Variants in XYLT1 observed in about 807,000 individuals in gnomAD.
The protein encoded by XYLT1 is xylosyltransferase 1, also known as beta-D-xylosyltransferase 1.
XYLT1 carries 36 observed loss-of-function variants against 91.3 expected under a neutral mutation model. The ratio of observed to expected loss-of-function variants is 0.39; its 90% confidence interval spans 0.30 to 0.52. The LOEUF is 0.52. XYLT1 is among the 20% of genes least tolerant of loss of function. The pLI, the probability that XYLT1 is intolerant of heterozygous loss-of-function variation, is 0.68. For synonymous variants in XYLT1, 588 were observed against 532.0 expected (o/e 1.11, Z -1.45); for missense variants, 1,242 against 1,284.5 (o/e 0.97, Z 0.51).
Position 17,160,997 on chromosome 16 carries a change from A to T in XYLT1, c.1290-2088T>A, listed in dbSNP as rs922743222. ...GAATACGAGACAAGTTAACCTCTGA[A>T]TGGGTCCCCGGCAGTTGGAATAATA... On this transcript the variant is annotated intron_variant, in intron 5 of 11. Transcript: ENST00000261381. Among the ~76,000 whole-genome samples, 8 of 152,198 alleles carry T rather than the reference A, an allele frequency of 5.3e-5. 2 individuals carry two copies. The East Asian group carries it at 1.4e-3, about 26-fold the overall frequency.
At chr16:17,137,627 G>C (rs2030788421) in intron 8 of XYLT1, 1 of 150,834 alleles carries the variant, frequency 6.6e-6, no homozygotes, top group African/African-American at 2.5e-5. Context: ...AAGTGGATGA[G>C]CATTCCCCAC....
intron 2 of XYLT1, among the ~76,000 whole-genome samples, chr16:17,291,561 G>A (rs554797334): frequency 2.1e-3 from 321 of 152,280 alleles, no homozygotes; most frequent in Non-Finnish European, 3.9e-3. Context: ...CCCAGCCTCT[G>A]TCTGTTCTAA....
At chr16:17,118,341 A>C (rs1406065921) in intron 10 of XYLT1, among the ~76,000 whole-genome samples, 1 of 152,136 alleles carries the variant, frequency 6.6e-6, no homozygotes, top group Non-Finnish European at 1.5e-5. Context: ...ACAGAAACAT[A>C]CACCCTGCCA....
At chr16:17,414,983 C>T (rs145803030) in intron 1 of XYLT1, among the ~76,000 whole-genome samples, 1 of 152,286 alleles carries the variant, frequency 6.6e-6, no homozygotes, top group East Asian at 1.9e-4. Context: ...CAGAGAAAAA[C>T]GATCACACCC....
At chr16:17,459,997 T>C (rs1329245925) in intron 1 of XYLT1, among the ~76,000 whole-genome samples, 1 of 152,210 alleles carries the variant, frequency 6.6e-6, no homozygotes, top group Admixed American at 6.5e-5. Flanking sequence ...TCCATTCACA[T>C]GGGGCTTTCT....
chr16:17,161,677 G>GTTCTCTCTCT (rs1555484023), intron 5 of XYLT1, among the ~76,000 whole-genome samples: 1 of 148,896 alleles, frequency 6.7e-6, no homozygotes, highest in Non-Finnish European at 1.5e-5. Context: ...TTTCTCGCGC[G>GTTCTCTCTCT]CTCTCTCTCT....
intron 2 of XYLT1, among the ~76,000 whole-genome samples, chr16:17,293,825 T>C (rs1376873698): frequency 6.6e-6 from 1 of 152,142 alleles, no homozygotes; most frequent in African/African-American, 2.4e-5. Context: ...TAGTGCCCAA[T>C]GTTTACTGTT....
intron 6 of XYLT1, among the ~76,000 whole-genome samples, 199 bp downstream of exon 6, chr16:17,158,630 A>T (rs2031473610): frequency 6.6e-6 from 1 of 152,180 alleles, no homozygotes; most frequent in South Asian, 2.1e-4. Context: ...CATGAGAAAC[A>T]TCTATGGTTA....
intron 3 of XYLT1, among the ~76,000 whole-genome samples, chr16:17,230,376 C>T (rs2033139952): frequency 6.6e-6 from 1 of 152,106 alleles, no homozygotes; most frequent in Non-Finnish European, 1.5e-5. Context: ...GCTGCCTGTC[C>T]ACTATGCTGG....
At chr16:17,425,595 G>A (rs1384355168) in intron 1 of XYLT1, among the ~76,000 whole-genome samples, 1 of 152,154 alleles carries the variant, frequency 6.6e-6, no homozygotes, top group African/African-American at 2.4e-5. Flanking sequence ...CATATTTCAG[G>A]AAAGGCCCTT....
chr16:17,357,440 G>A lies in XYLT1; in HGVS notation c.402+572C>T, dbSNP rs190834504. ...TACTCATAGCTGCTGCACTGTCCTAGCTCCCAGGAAGGCAGAAAGCAGACA... is the reference window on the plus strand; with the variant it reads ...TACTCATAGCTGCTGCACTGTCCTAACTCCCAGGAAGGCAGAAAGCAGACA... On this transcript the variant is annotated intron_variant, in intron 2 of 11. Coordinates refer to ENST00000261381, the MANE Select transcript of XYLT1 (RefSeq NM_022166.4). Among the ~76,000 whole-genome samples, 17 of 152,258 alleles carry A rather than the reference G, an allele frequency of 1.1e-4. No homozygotes were observed. In the East Asian group the frequency reaches 3.3e-3, roughly 29 times the overall value.
rs1474829545 is a variant in XYLT1 at position 17,108,356 on chromosome 16, C to T, written c.*339G>A. ...ATGACTGTGCTCCGTAAACGAAGTT[C>T]TGCTGCTCGAAAGAAAAGTCTGAAA... is the stretch of plus-strand genomic sequence containing the variant. On this transcript the variant is annotated 3_prime_UTR_variant, in exon 12 of 12. Transcript: ENST00000261381. 7 of 243,650 alleles carry T rather than the reference C, an allele frequency of 2.9e-5. No individual in the cohort carries two copies. The highest frequency in any genetic ancestry group is 3.9e-5 in the Non-Finnish European group (5 of 127,248). The allele number at this position is 243,650 out of a possible 1,614,324, so 15.1% of individuals were successfully genotyped here. A position where few individuals can be genotyped will look rare whatever the true frequency, so the allele number is the denominator to read the frequency against.
chr16:17,338,086 G>C (rs2035012753), intron 2 of XYLT1: 4 of 416,006 alleles, frequency 9.6e-6, no homozygotes, highest in Non-Finnish European at 1.9e-5. Context: ...ACATTTTAAT[G>C]GCCCTCAAAT....
chr16:17,201,727 T>C (rs2032547135), intron 3 of XYLT1, among the ~76,000 whole-genome samples: 1 of 152,070 alleles, frequency 6.6e-6, no homozygotes, highest in Non-Finnish European at 1.5e-5. Flanking sequence ...CTGCCTACCT[T>C]GGCCTCCCAA....
intron 3 of XYLT1, among the ~76,000 whole-genome samples, chr16:17,202,659 T>C (rs2032564132): frequency 6.6e-6 from 1 of 152,194 alleles, no homozygotes; most frequent in East Asian, 1.9e-4. Flanking sequence ...CTCTTTCACC[T>C]CACCCGCACC....
chr16:17,370,592 T>C (rs1468845591), intron 1 of XYLT1, among the ~76,000 whole-genome samples: 2 of 152,224 alleles, frequency 1.3e-5, no homozygotes, highest in African/African-American at 4.8e-5. Flanking sequence ...CAGTGGCCTC[T>C]GTTTAGCCAG....
At chr16:17,353,792 A>T (rs139157375) in intron 2 of XYLT1, among the ~76,000 whole-genome samples, 161 of 152,338 alleles carry the variant, frequency 1.1e-3, no homozygotes, top group Non-Finnish European at 1.9e-3. Context: ...ATGTTAGCAA[A>T]TCTTTCTACT....
intron 1 of XYLT1, among the ~76,000 whole-genome samples, chr16:17,456,494 C>A (rs936540629): frequency 2.6e-5 from 4 of 151,926 alleles, no homozygotes; most frequent in African/African-American, 7.3e-5. Flanking sequence ...TGCTACCATG[C>A]CCAGCTGATT....
intron 3 of XYLT1, among the ~76,000 whole-genome samples, chr16:17,243,216 A>G (rs1431830814): frequency 6.6e-6 from 1 of 152,176 alleles, no homozygotes; most frequent in Admixed American, 6.5e-5. Context: ...TATCCTCACA[A>G]CAGCCCTACA....
Sources: gnomAD v4.1 joint callset for allele counts (sites outside exome capture counted in the v4.1 genomes callset) on GRCh38, gnomAD v4.1.1 for gene constraint, MANE v1.5 for transcripts, NCBI Gene and HGNC (gene_info 2026-07-23, HGNC 2026-07-21) for gene names.